Variants in COL12A1 observed in about 807,000 individuals in gnomAD.
COL12A1 encodes the protein collagen type XII alpha 1 chain.
COL12A1 carries 114 observed loss-of-function variants against 349.7 expected under a neutral mutation model. That is an observed-to-expected ratio of 0.33 (90% confidence interval 0.28 to 0.38). COL12A1 has a LOEUF of 0.38. Among genes scored for constraint, COL12A1 ranks in the 10% least tolerant of loss-of-function variants. The probability of loss-of-function intolerance (pLI) is 1.00; values close to 1 mark genes in which losing one functional copy is unlikely to be tolerated. For missense variants in COL12A1, 3,284 were observed against 3,756.9 expected, an observed-to-expected ratio of 0.87 and a Z score of 3.29; for synonymous variants, 1,369 against 1,329.0, an observed-to-expected ratio of 1.03 and a Z score of -0.66.
chr6:75,159,077 T>C (rs1425951891), intron 14 of COL12A1, among the ~76,000 whole-genome samples: 1 of 151,878 alleles, frequency 6.6e-6, no homozygotes, highest in African/African-American at 2.4e-5. Flanking sequence ...ACATCATAAT[T>C]AAATTGCTTA....
chr6:75,194,303 A>G (rs970003143), intron 3 of COL12A1, among the ~76,000 whole-genome samples: 1 of 152,178 alleles, frequency 6.6e-6, no homozygotes, highest in Non-Finnish European at 1.5e-5. Context: ...AGAACAAGCA[A>G]AACAAGTTTT....
At chr6:75,200,756 TC>T (rs1184860314) in intron 2 of COL12A1, among the ~76,000 whole-genome samples, 2 of 152,164 alleles carry the variant, frequency 1.3e-5, no homozygotes, top group East Asian at 3.9e-4. Flanking sequence ...TGTTTCTTTT[TC>T]CATTTTGAAT....
At chr6:75,149,590 T>C (rs1178301594) in intron 21 of COL12A1, among the ~76,000 whole-genome samples, 1 of 152,108 alleles carries the variant, frequency 6.6e-6, no homozygotes, top group Non-Finnish European at 1.5e-5. Context: ...TCAATATGTC[T>C]AACAGGAAAA....
chr6:75,087,463 G>T (rs1767556153), intron 65 of COL12A1, 114 bp downstream of exon 65: 1 of 969,694 alleles, frequency 1.0e-6, no homozygotes, highest in Non-Finnish European at 1.6e-6. Context: ...AACTGAAAGA[G>T]TTGTTATCTT....
chr6:75,198,523 A>T (rs542212529), intron 2 of COL12A1, among the ~76,000 whole-genome samples: 3 of 151,788 alleles, frequency 2.0e-5, no homozygotes, highest in African/African-American at 7.3e-5. Context: ...ATATACATAA[A>T]TATGTGGTAT....
intron 27 of COL12A1, 29 bp from the exon 28 acceptor site, chr6:75,138,990 G>C: frequency 6.2e-7 from 1 of 1,609,358 alleles, no homozygotes; most frequent in South Asian, 1.1e-5. Flanking sequence ...AGCAGACTAA[G>C]TTTTTGAATG....
intron 27 of COL12A1, among the ~76,000 whole-genome samples, chr6:75,140,943 C>A (rs1004758787): frequency 6.6e-6 from 1 of 152,120 alleles, no homozygotes; most frequent in Non-Finnish European, 1.5e-5. Context: ...TTGAGATGTG[C>A]TCTAAGTGTA....
rs370145528 is a variant in COL12A1 at position 75,130,714 on chromosome 6, G to A, written c.6067+138C>T. 2.0e-4 allele frequency: 217 copies of A among 1,093,676 alleles called. 1 individual carries two copies. The highest frequency in any genetic ancestry group is 6.3e-4 in the East Asian group (25 of 39,556). The allele number at this position is 1,093,676 out of a possible 1,614,324, so 67.7% of individuals were successfully genotyped here. A position where few individuals can be genotyped will look rare whatever the true frequency, so the allele number is the denominator to read the frequency against. ...CAACAGTCACAGACCCAATGTTTTC[G>A]CCTGGAATGTAAATGTAGGGGATCC... is the stretch of plus-strand genomic sequence containing the variant. On this transcript the variant is annotated intron_variant, in intron 36 of 65. Coordinates refer to ENST00000322507, the MANE Select transcript of COL12A1 (RefSeq NM_004370.6).
chr6:75,146,423 A>T (rs549170589), intron 23 of COL12A1, 179 bp from the exon 24 acceptor site: 4 of 542,270 alleles, frequency 7.4e-6, no homozygotes, highest in Non-Finnish European at 1.2e-5. Flanking sequence ...TACATTGCTC[A>T]TTGCACTTCA....
chr6:75,106,565 T>G lies in COL12A1; in HGVS notation c.8101-69A>C, dbSNP rs567855300. 217 of 1,382,396 alleles carry G rather than the reference T, an allele frequency of 1.6e-4. No homozygotes were observed. The East Asian group carries it at 5.0e-3, about 32-fold the overall frequency. The allele number at this position is 1,382,396 out of a possible 1,614,324, so 85.6% of individuals were successfully genotyped here. On this transcript the variant is annotated intron_variant, in intron 52 of 65. Transcript: ENST00000322507. Reference sequence around the variant, plus strand: ...ACATTTTATATTGGCACTTCCACATTTTAACATTGCCAACTTCTCACACAT... The same window carrying G: ...ACATTTTATATTGGCACTTCCACATGTTAACATTGCCAACTTCTCACACAT...
intron 54 of COL12A1, among the ~76,000 whole-genome samples, chr6:75,104,445 T>C (rs925531989): frequency 6.6e-6 from 1 of 152,206 alleles, no homozygotes; most frequent in African/African-American, 2.4e-5. Flanking sequence ...TCGGTCTACA[T>C]TATTTGCTAT....
At chr6:75,179,854 T>C (rs551131885) in intron 11 of COL12A1, among the ~76,000 whole-genome samples, 1 of 152,346 alleles carries the variant, frequency 6.6e-6, no homozygotes, top group East Asian at 1.9e-4. Context: ...ACAAAGTGTG[T>C]CCAAATATAT....
chr6:75,088,835 C>A (rs1467113884), intron 64 of COL12A1, among the ~76,000 whole-genome samples: 1 of 151,750 alleles, frequency 6.6e-6, no homozygotes, highest in Non-Finnish European at 1.5e-5. Flanking sequence ...CCCGTCTCTA[C>A]TAAAAATTAA....
chr6:75,168,099 GAGAA>G, intron 13 of COL12A1, among the ~76,000 whole-genome samples: 1 of 152,138 alleles, frequency 6.6e-6, no homozygotes, highest in Non-Finnish European at 1.5e-5. Flanking sequence ...CCAAAGAAAG[GAGAA>G]AGATAGTTCA....
At chr6:75,106,606 T>C (rs979820516) in intron 52 of COL12A1, 110 bp from the exon 53 acceptor site, 6 of 860,020 alleles carry the variant, frequency 7.0e-6, no homozygotes, top group East Asian at 2.6e-5. Context: ...CTCAAGGGTG[T>C]GAGCCATTGA....
At chr6:75,197,808 T>C (rs972884731) in intron 2 of COL12A1, among the ~76,000 whole-genome samples, 12 of 152,202 alleles carry the variant, frequency 7.9e-5, no homozygotes, top group African/African-American at 2.9e-4. Context: ...ATAGTTTAAT[T>C]TCATATTTAC....
At position 75,151,183 on chromosome 6, in the gene COL12A1, C is replaced by A. The variant is rs778970645; in HGVS notation, c.4105G>T (p.Asp1369Tyr). The A allele has an allele frequency of 2.5e-6, 4 of 1,612,108 alleles. No homozygotes were observed. In the East Asian group the frequency reaches 8.9e-5, roughly 36 times the overall value. ...TTACACAAATTAATGGTGAGATCAT[C>A]CACTATCCTGGAGAGTGACTCAAAA... ...ADFESLSRIV[D>Y]DLTINLCNSV... is the part of the protein sequence containing the mutation. The change falls in exon 21 of 66, where the codon GAT (aspartate) becomes TAT (tyrosine). Residue 1369 changes from aspartate to tyrosine, a missense_variant. By Grantham distance (160) the Asp-to-Tyr change is radical. This residue lies in a region of COL12A1 where 2,601 missense variants were observed against 2,824.8 expected (regional missense o/e 0.92). Transcript: ENST00000322507.
At chr6:75,113,077 A>G in intron 51 of COL12A1, 127 bp downstream of exon 51, 1 of 502,780 alleles carries the variant, frequency 2.0e-6, no homozygotes, top group Admixed American at 3.9e-5. Flanking sequence ...CAAATTCTCT[A>G]AAACAAGATT....
chr6:75,135,283 G>C (rs1766538001), intron 31 of COL12A1, among the ~76,000 whole-genome samples: 1 of 152,052 alleles, frequency 6.6e-6, no homozygotes, highest in South Asian at 2.1e-4. Flanking sequence ...GTTTTTATTT[G>C]CTTTAGAAAC....
Sources: allele counts gnomAD v4.1 joint callset (sites outside exome capture counted in the v4.1 genomes callset), GRCh38; gene constraint gnomAD v4.1.1; regional missense constraint gnomAD v4.1.1; transcripts MANE v1.5; gene names NCBI Gene and HGNC (gene_info 2026-07-23, HGNC 2026-07-21).